Variants in ANKS1A observed in about 807,000 individuals in gnomAD.
ANKS1A encodes ankyrin repeat and sterile alpha motif domain containing 1A, also known as ankyrin repeat and SAM domain-containing protein 1A.
A neutral mutation model predicts 120.3 loss-of-function variants in ANKS1A; 55 were observed. That is an observed-to-expected ratio of 0.46 (90% CI 0.37 to 0.57). The LOEUF (loss-of-function observed/expected upper bound fraction) is 0.57. Ranked by LOEUF, ANKS1A falls within the 20% of genes least tolerant of loss-of-function variation. The pLI, the probability that ANKS1A is intolerant of heterozygous loss-of-function variation, is 0.00. For missense variants in ANKS1A, 1,123 were observed against 1,480.3 expected (o/e 0.76, Z 3.96); for synonymous variants, 590 against 604.7 (o/e 0.98, Z 0.36).
chr6:35,014,822 C>T (rs16896390), intron 10 of ANKS1A, among the ~76,000 whole-genome samples: 17,017 of 152,200 alleles, frequency 0.11, 1,591 homozygotes, highest in East Asian at 0.56. Flanking sequence ...TGTAGGAAGT[C>T]GGCTATTAGA....
At position 34,929,821 on chromosome 6, in the gene ANKS1A, CTCTT is replaced by C. The variant is rs10538270; in HGVS notation, c.198-37406_198-37403del. ...CCTTCCTCCTTCTCTCTCTCTCTTT[CTCTT>C]TCTTTCTTTCTCTCTTTCTTTCTCT... is the stretch of plus-strand genomic sequence containing the variant. On this transcript the variant is annotated intron_variant, in intron 1 of 23. Transcript: ENST00000360359. Among the ~76,000 whole-genome samples, 1,056 of 129,058 alleles carry C rather than the reference CTCTT, an allele frequency of 8.2e-3. 20 individuals are homozygous for C. The highest frequency in any genetic ancestry group is 0.029 in the African/African-American group (976 of 33,410). The allele number at this position is 129,058 out of a possible 152,430, so 84.7% of individuals were successfully genotyped here.
At chr6:34,913,823 G>C (rs1768021308) in intron 1 of ANKS1A, among the ~76,000 whole-genome samples, 1 of 152,040 alleles carries the variant, frequency 6.6e-6, no homozygotes, top group African/African-American at 2.4e-5. Context: ...AGTAGAGATG[G>C]GGTTTCACCA....
intron 1 of ANKS1A, among the ~76,000 whole-genome samples, chr6:34,944,093 GA>G (rs571316863): frequency 0.022 from 3,399 of 152,226 alleles, 55 homozygotes; most frequent in Non-Finnish European, 0.035. Context: ...CTAACACGGT[GA>G]AAACCCAGTC....
At chr6:34,977,059 T>A (rs1771637970) in intron 3 of ANKS1A, among the ~76,000 whole-genome samples, 1 of 152,348 alleles carries the variant, frequency 6.6e-6, no homozygotes, top group South Asian at 2.1e-4. Context: ...GCAATTTTTT[T>A]ATGATCGAGA....
intron 13 of ANKS1A, among the ~76,000 whole-genome samples, chr6:35,077,589 T>C (rs1561960427): frequency 6.6e-6 from 1 of 152,200 alleles, no homozygotes; most frequent in Non-Finnish European, 1.5e-5. Context: ...CTGTGAATTT[T>C]GCATCATAGG....
downstream of ANKS1A, among the ~76,000 whole-genome samples, chr6:35,096,038 G>T (rs920373829): frequency 6.6e-6 from 1 of 152,146 alleles, no homozygotes; most frequent in Non-Finnish European, 1.5e-5. Flanking sequence ...CACTCCATTT[G>T]TTATTGAGAT....
chr6:34,906,511 CT>C (rs533243816), intron 1 of ANKS1A, among the ~76,000 whole-genome samples: 13 of 152,140 alleles, frequency 8.5e-5, no homozygotes, highest in Admixed American at 1.3e-4. Context: ...AAGAAATTGG[CT>C]TGGTTATCTG....
Position 35,024,028 on chromosome 6 carries a change from A to G in ANKS1A, c.2010+5969A>G, listed in dbSNP as rs528358698. 2.6e-5 allele frequency among the ~76,000 whole-genome samples: 4 copies of G among 152,342 alleles called. No individual in the cohort carries two copies. The South Asian group carries it at 6.2e-4, about 24-fold the overall frequency. ...TAAAACTTTGTTTTTCTGCACTGATATAGACATCTCCAAATAAAAATATGT... is the reference window on the plus strand; with the variant it reads ...TAAAACTTTGTTTTTCTGCACTGATGTAGACATCTCCAAATAAAAATATGT... On this transcript the variant is annotated intron_variant, in intron 11 of 23. Coordinates refer to ENST00000360359, the MANE Select transcript of ANKS1A (RefSeq NM_015245.3).
At chr6:34,902,429 G>C (rs1005025605) in intron 1 of ANKS1A, among the ~76,000 whole-genome samples, 2 of 151,864 alleles carry the variant, frequency 1.3e-5, no homozygotes, top group Admixed American at 6.6e-5. Context: ...TGTATTTTTA[G>C]TAGAGACGGG....
chr6:34,991,683 C>CACAT (rs1449079633), intron 9 of ANKS1A, among the ~76,000 whole-genome samples: 8 of 28,602 alleles, frequency 2.8e-4, no homozygotes, highest in African/African-American at 4.7e-4. Context: ...CATATATATA[C>CACAT]ATATATACAC....
At chr6:34,912,353 A>G (rs1767945894) in intron 1 of ANKS1A, among the ~76,000 whole-genome samples, 1 of 152,168 alleles carries the variant, frequency 6.6e-6, no homozygotes, top group Admixed American at 6.5e-5. Flanking sequence ...TGGTTACCTT[A>G]TGTTAAAAAA....
intron 13 of ANKS1A, among the ~76,000 whole-genome samples, chr6:35,075,183 T>TA (rs1336692707): frequency 6.6e-6 from 1 of 152,066 alleles, no homozygotes; most frequent in Non-Finnish European, 1.5e-5. Flanking sequence ...GATTTAGCTA[T>TA]AAAAAAGGAA....
chr6:35,062,146 G>A (rs544194238), intron 13 of ANKS1A, among the ~76,000 whole-genome samples: 75 of 152,356 alleles, frequency 4.9e-4, no homozygotes, highest in African/African-American at 1.5e-3. Flanking sequence ...TGTAAGATGC[G>A]TCTGTTCCTA....
chr6:35,070,824 CTTTG>C, intron 13 of ANKS1A: 1 of 508,756 alleles, frequency 2.0e-6, no homozygotes. Context: ...TTTCTTTTTT[CTTTG>C]TGTGTGTGTG....
intron 13 of ANKS1A, among the ~76,000 whole-genome samples, chr6:35,077,518 G>A (rs1446754597): frequency 5.3e-5 from 8 of 152,346 alleles, no homozygotes; most frequent in Admixed American, 2.0e-4. Context: ...CTCTGGGGAC[G>A]TCCAGGAAGT....
At chr6:34,991,541 TACAC>T (rs149416311) in intron 9 of ANKS1A, among the ~76,000 whole-genome samples, 3,438 of 138,448 alleles carry the variant, frequency 0.025, 202 homozygotes, top group African/African-American at 0.079. Flanking sequence ...AAAAAATATA[TACAC>T]ACACACACAC....
At chr6:34,941,080 C>T (rs1195741170) in intron 1 of ANKS1A, among the ~76,000 whole-genome samples, 1 of 151,884 alleles carries the variant, frequency 6.6e-6, no homozygotes, top group Non-Finnish European at 1.5e-5. Flanking sequence ...CTCCACCTCC[C>T]GGGTTCAAGT....
intron 13 of ANKS1A, among the ~76,000 whole-genome samples, chr6:35,073,491 G>C (rs963684489): frequency 6.6e-6 from 1 of 152,260 alleles, no homozygotes; most frequent in African/African-American, 2.4e-5. Flanking sequence ...GCGAAGATCA[G>C]TGCTCTGTCC....
intron 11 of ANKS1A, among the ~76,000 whole-genome samples, chr6:35,036,763 C>G (rs1440103977): frequency 1.3e-5 from 2 of 152,238 alleles, no homozygotes; most frequent in African/African-American, 4.8e-5. Context: ...CCTTCTTTCT[C>G]TCATATGTGG....
Sources: allele counts gnomAD v4.1 joint callset (sites outside exome capture counted in the v4.1 genomes callset), GRCh38; gene constraint gnomAD v4.1.1; transcripts MANE v1.5; gene names NCBI Gene and HGNC (gene_info 2026-07-23, HGNC 2026-07-21).